ITGA2: variants seen among roughly 807,000 people sequenced by gnomAD.
ITGA2 encodes integrin subunit alpha 2.
Under a neutral mutation model 146.3 loss-of-function variants are expected in ITGA2, and 101 were observed. The ratio of observed to expected loss-of-function variants is 0.69; its 90% confidence interval spans 0.59 to 0.81. The LOEUF (loss-of-function observed/expected upper bound fraction) is 0.81, where lower values mean the gene tolerates loss of function less well. Ranked by LOEUF, ITGA2 falls within the 40% of genes least tolerant of loss-of-function variation. The pLI is 0.00. For synonymous variants in ITGA2, 477 were observed against 487.1 expected (o/e 0.98, Z 0.27); for missense variants, 1,281 against 1,402.7 (o/e 0.91, Z 1.39).
intron 9 of ITGA2, among the ~76,000 whole-genome samples, chr5:53,057,627 C>G (rs1264422572): frequency 2.6e-5 from 4 of 151,896 alleles, no homozygotes; most frequent in Non-Finnish European, 5.9e-5. Flanking sequence ...ACCCATATTT[C>G]AAAGCTAAAA....
intron 15 of ITGA2, among the ~76,000 whole-genome samples, chr5:53,066,469 G>C (rs534304494): frequency 6.6e-6 from 1 of 151,982 alleles, no homozygotes; most frequent in African/African-American, 2.4e-5. Flanking sequence ...AAGATTCAGA[G>C]AGAACAGTGT....
chr5:52,989,710 T>C (rs900693019), intron 1 of ITGA2, among the ~76,000 whole-genome samples, 178 bp downstream of exon 1: 1 of 152,130 alleles, frequency 6.6e-6, no homozygotes, highest in Non-Finnish European at 1.5e-5. Flanking sequence ...TTCGTTCCCT[T>C]CCTGCTATCC....
chr5:53,082,897 C>T (rs552498898), intron 26 of ITGA2, among the ~76,000 whole-genome samples: 9 of 152,234 alleles, frequency 5.9e-5, no homozygotes, highest in African/African-American at 2.2e-4. Context: ...TGTTTAAAAA[C>T]CTAGGGAGTC....
rs3212553 is a variant in ITGA2 at position 53,064,830 on chromosome 5, C to T, written c.1603-82C>T. The T allele has an allele frequency of 2.7e-4, 367 of 1,349,620 alleles. 1 individual carries two copies. The African/African-American group carries it at 4.9e-3, about 18-fold the overall frequency. 83.6% of individuals were successfully genotyped at this position (1,349,620 alleles called of 1,614,324 possible). On this transcript the variant is annotated intron_variant, in intron 13 of 29. Coordinates refer to ENST00000296585, the MANE Select transcript of ITGA2 (RefSeq NM_002203.4). ...GAGTCTTTGGGATTACAGGCATGAG[C>T]CACCACACCCAGCTGCTCTGAATTT... is the stretch of plus-strand genomic sequence containing the variant.
intron 1 of ITGA2, among the ~76,000 whole-genome samples, chr5:52,995,554 C>T (rs1741198711): frequency 6.6e-6 from 1 of 152,170 alleles, no homozygotes. Context: ...ATGGACAAGT[C>T]AGTTGATTTT....
intron 3 of ITGA2, 50 bp downstream of exon 3, chr5:53,042,271 G>T: frequency 9.1e-7 from 1 of 1,094,398 alleles, no homozygotes; most frequent in South Asian, 1.2e-5. Context: ...AGACTCAACT[G>T]AAAAATAACA....
intron 27 of ITGA2, 39 bp from the exon 28 acceptor site, chr5:53,086,913 C>T (rs748357480): frequency 1.4e-6 from 2 of 1,472,238 alleles, no homozygotes; most frequent in South Asian, 2.3e-5. Context: ...GCATTTGCTG[C>T]TGCTACGATA....
At chr5:53,049,706 T>C (rs915008134) in intron 6 of ITGA2, among the ~76,000 whole-genome samples, 2 of 152,138 alleles carry the variant, frequency 1.3e-5, no homozygotes, top group Non-Finnish European at 2.9e-5. Flanking sequence ...ATTTTTTTTT[T>C]CCTTTCTGAT....
intron 1 of ITGA2, 90 bp from the exon 2 acceptor site, chr5:53,026,658 A>C: frequency 8.5e-7 from 1 of 1,177,936 alleles, no homozygotes; most frequent in Admixed American, 1.8e-5. Flanking sequence ...TAGGTCAAGC[A>C]AGTTTTCTTA....
In ITGA2 at chr5:53,091,355, A is replaced by G. The variant is rs1740413985; in HGVS notation, c.*756A>G. On this transcript the variant is annotated 3_prime_UTR_variant, in exon 30 of 30. Transcript: ENST00000296585. ...AAATTTTGTTTAAAACTCAGAATAT[A>G]ACATGTAAAATCCCATCTGCTAGAA... The G allele has an allele frequency of 6.8e-6, 1 of 147,382 alleles. No homozygotes were observed. Among genetic ancestry groups the G allele is most frequent in the African/African-American group, 2.6e-5 (1 of 38,636 alleles). 9.1% of individuals were successfully genotyped at this position (147,382 alleles called of 1,614,324 possible). A position where few individuals can be genotyped will look rare whatever the true frequency, so the allele number is the denominator to read the frequency against.
At chr5:53,071,870 T>G (rs552962163) in intron 17 of ITGA2, 68 bp from the exon 18 acceptor site, 5 of 1,095,938 alleles carry the variant, frequency 4.6e-6, no homozygotes, top group Middle Eastern at 2.0e-4. Flanking sequence ...TTTTCTTGTT[T>G]TAATGTTGCT....
chr5:52,993,149 A>G (rs1741058841), intron 1 of ITGA2, among the ~76,000 whole-genome samples: 1 of 152,154 alleles, frequency 6.6e-6, no homozygotes, highest in South Asian at 2.1e-4. Flanking sequence ...TTTTGCAACA[A>G]AAAGGAAAGC....
intron 7 of ITGA2, 135 bp from the exon 8 acceptor site, chr5:53,055,403 G>T: frequency 1.3e-6 from 1 of 753,250 alleles, no homozygotes; most frequent in Non-Finnish European, 2.2e-6. Context: ...CATTAAATAT[G>T]TCCTCAGAAT....
intron 11 of ITGA2, 46 bp downstream of exon 11, chr5:53,060,058 T>C (rs2111959509): frequency 1.3e-6 from 2 of 1,596,164 alleles, no homozygotes; most frequent in Non-Finnish European, 8.6e-7. Context: ...GTTCCCTTGC[T>C]TTAAACCAGC....
At position 53,086,934 on chromosome 5, in the gene ITGA2, C is replaced by G. The variant is rs1484425130; in HGVS notation, c.3259-18C>G. ...GCTGCTGCTACGATAAAACATATTC[C>G]TTATTCTTATGTTCCAGTCAACGTT... On this transcript the variant is annotated intron_variant, in intron 27 of 29. Coordinates refer to ENST00000296585, the MANE Select transcript of ITGA2 (RefSeq NM_002203.4). 6.3e-7 allele frequency: 1 copy of G among 1,588,176 alleles called. No homozygotes were observed. The highest frequency in any genetic ancestry group is 8.6e-7 in the Non-Finnish European group (1 of 1,156,600).
chr5:53,055,593 G>T lies in ITGA2; in HGVS notation c.835G>T (p.Val279Leu), dbSNP rs1213843149. 1.2e-5 allele frequency: 19 copies of T among 1,613,128 alleles called. No individual in the cohort carries two copies. The highest frequency in any genetic ancestry group is 1.4e-5 in the Non-Finnish European group (17 of 1,179,408). Residue 279 changes from valine (V) to leucine (L), a missense_variant, in exon 8 of 30, where the codon GTA becomes TTA. By Grantham distance (32) the Val-to-Leu change is conservative. Transcript: ENST00000296585. ...GCGACGAAGTGCTACGAAAGTAATG[G>T]TAGTTGTAACTGACGGTGAATCACA... The part of the protein sequence containing the change: ...GGRRSATKVM[V>L]VVTDGESHDG...
At chr5:53,075,857 T>G (rs900096152) in intron 23 of ITGA2, among the ~76,000 whole-genome samples, 1 of 151,524 alleles carries the variant, frequency 6.6e-6, no homozygotes, top group Non-Finnish European at 1.5e-5. Context: ...TAGGGTTTTC[T>G]TCCAGCCAGG....
Position 53,073,187 on chromosome 5 carries a change from G to A in ITGA2, c.2499G>A (p.Arg833=), listed in dbSNP as rs145193746. The change falls in exon 20 of 30, where the codon AGG becomes AGA. Residue 833 remains arginine, a synonymous_variant. Transcript: ENST00000296585. ...LTFSVTLKNK[R]ESAYNTGIVV... ...TTTCAGTAACGCTGAAAAATAAAAGGGAAAGTGCATACAACACTGGAATTG... is the reference window on the plus strand; with the variant it reads ...TTTCAGTAACGCTGAAAAATAAAAGAGAAAGTGCATACAACACTGGAATTG... 3 of 1,612,366 alleles carry A rather than the reference G, an allele frequency of 1.9e-6. No individual in the cohort carries two copies. The highest frequency in any genetic ancestry group is 2.7e-5 in the African/African-American group (2 of 74,748).
Position 53,075,215 on chromosome 5 carries a change from C to A in ITGA2, c.2742-6C>A, listed in dbSNP as rs1219915978. ...TTAAGTAATTTCCTAATGTTTCTTT[C>A]TATAGTGAAAGCCAAGAAGAAAACA... On this transcript the variant is annotated splice_polypyrimidine_tract_variant and splice_region_variant and intron_variant, in intron 22 of 29. Transcript: ENST00000296585. The A allele has an allele frequency of 6.2e-7, 1 of 1,611,806 alleles. No individual in the cohort carries two copies.
Sources: gnomAD v4.1 joint callset for allele counts (sites outside exome capture counted in the v4.1 genomes callset) on GRCh38, gnomAD v4.1.1 for gene constraint, MANE v1.5 for transcripts, NCBI Gene and HGNC (gene_info 2026-07-23, HGNC 2026-07-21) for gene names.